TRPM2: variants seen among roughly 807,000 people sequenced by gnomAD.
The protein encoded by TRPM2 is estrogen-responsive element-associated gene 1 protein.
Under a neutral mutation model 174.0 loss-of-function variants are expected in TRPM2, and 161 were observed. That is an observed-to-expected ratio of 0.93 (90% CI 0.81 to 1.05). The LOEUF (loss-of-function observed/expected upper bound fraction) is 1.05, where lower values mean the gene tolerates loss of function less well. Ranked by LOEUF, TRPM2 falls within the 50% of genes least tolerant of loss-of-function variation. The pLI is 0.00. For missense variants in TRPM2, 2,057 were observed against 2,038.0 expected, an observed-to-expected ratio of 1.01 and a Z score of -0.18; for synonymous variants, 954 against 861.3, an observed-to-expected ratio of 1.11 and a Z score of -1.88.
chr21:44,375,489 C>T (rs987991290), intron 5 of TRPM2, among the ~76,000 whole-genome samples: 2 of 152,188 alleles, frequency 1.3e-5, no homozygotes, highest in Admixed American at 6.5e-5. Flanking sequence ...CAGGGTCACA[C>T]GTCTGTTTCC....
At chr21:44,426,621 G>C (rs199895273) in intron 25 of TRPM2, 39 bp from the exon 26 acceptor site, 34 of 1,608,358 alleles carry the variant, frequency 2.1e-5, no homozygotes, top group Admixed American at 6.7e-5. Flanking sequence ...TTTGCAGTGG[G>C]GGTAAAAATC....
intron 22 of TRPM2, 40 bp from the exon 23 acceptor site, chr21:44,423,603 CAA>C (rs1232968686): frequency 6.4e-7 from 1 of 1,567,336 alleles, no homozygotes; most frequent in South Asian, 1.1e-5. Context: ...CCCAGGGCCC[CAA>C]GGTGTGGTGT....
intron 28 of TRPM2, 149 bp from the exon 29 acceptor site, chr21:44,436,913 C>G (rs1569120884): frequency 3.2e-6 from 2 of 632,224 alleles, no homozygotes; most frequent in African/African-American, 3.7e-5. Context: ...AGTCTTTTCC[C>G]TGGGGATGAA....
intron 27 of TRPM2, among the ~76,000 whole-genome samples, chr21:44,433,431 C>T (rs2051105843): frequency 1.3e-5 from 2 of 152,266 alleles, no homozygotes; most frequent in Admixed American, 1.3e-4. Context: ...CAGTGCAGCT[C>T]TGCCCAGTGC....
upstream of TRPM2, among the ~76,000 whole-genome samples, chr21:44,350,545 G>A (rs1297407898): frequency 2.1e-5 from 3 of 144,684 alleles, no homozygotes; most frequent in Non-Finnish European, 4.6e-5. Flanking sequence ...GGGCGCAGGC[G>A]GGGTTCGGGG....
chr21:44,400,914 G>A (rs948718839), intron 15 of TRPM2, among the ~76,000 whole-genome samples: 3 of 152,188 alleles, frequency 2.0e-5, no homozygotes, highest in South Asian at 2.1e-4. Flanking sequence ...GTGTTTTACT[G>A]AGGGCTGGAT....
intron 24 of TRPM2, 83 bp from the exon 25 acceptor site, chr21:44,425,587 G>A: frequency 5.7e-6 from 8 of 1,394,156 alleles, no homozygotes; most frequent in Non-Finnish European, 7.5e-6. Flanking sequence ...TTGGCGGAAG[G>A]ACCACAGAGG....
intron 20 of TRPM2, chr21:44,416,679 A>G: frequency 5.4e-6 from 1 of 183,934 alleles, no homozygotes; most frequent in South Asian, 8.9e-5. Flanking sequence ...TGGAATTGTG[A>G]GGTCTGTGGG....
chr21:44,434,531 T>C (rs2051159354), intron 27 of TRPM2, among the ~76,000 whole-genome samples: 2 of 152,042 alleles, frequency 1.3e-5, no homozygotes, highest in African/African-American at 4.8e-5. Context: ...GTTTTAGTGG[T>C]ACATTCACAG....
In TRPM2 at chr21:44,375,315, G is replaced by A. The variant is rs574422448; in HGVS notation, c.772-518G>A. On this transcript the variant is annotated intron_variant, in intron 5 of 31. Coordinates refer to ENST00000397928, the MANE Select transcript of TRPM2 (RefSeq NM_003307.4). The stretch of plus-strand genomic sequence containing the variant: ...ATCCTCCCGTCGTCTCCCCATTGCC[G>A]GTTTCAATGCCACTTCCACATTTTT... Among the ~76,000 whole-genome samples, 6 of 152,318 alleles carry A rather than the reference G, an allele frequency of 3.9e-5. No individual in the cohort carries two copies. In the South Asian group the frequency reaches 6.2e-4, roughly 16 times the overall value.
At position 44,406,772 on chromosome 21, in the gene TRPM2, G is replaced by T. The variant is rs1265478796; in HGVS notation, c.2962+7G>T. ...ATCCCGGGCTACATCGACGGTAGGA[G>T]CCGGGCGCCATGGGAGCTCGGGTGG... is the stretch of plus-strand genomic sequence containing the variant. On this transcript the variant is annotated splice_region_variant and intron_variant, in intron 19 of 31. Transcript: ENST00000397928. The T allele has an allele frequency of 6.3e-7, 1 of 1,595,784 alleles. No homozygotes were observed. The highest frequency in any genetic ancestry group is 1.8e-5 in the Admixed American group (1 of 56,684).
At chr21:44,406,229 C>G (rs368545606) in intron 18 of TRPM2, among the ~76,000 whole-genome samples, 192 bp downstream of exon 18, 14 of 152,232 alleles carry the variant, frequency 9.2e-5, no homozygotes, top group Admixed American at 5.9e-4. Flanking sequence ...TTCCAGGAAG[C>G]CTTCCCTCAT....
At chr21:44,414,155 G>T (rs1274739180) in intron 20 of TRPM2, 81 bp downstream of exon 20, 1 of 1,521,884 alleles carries the variant, frequency 6.6e-7, no homozygotes, top group Admixed American at 1.7e-5. Flanking sequence ...TGTCTCCAGG[G>T]TCTCGTGGAC....
intron 27 of TRPM2, among the ~76,000 whole-genome samples, chr21:44,428,387 GAGGTGTGGCTCCTCCCCTT>G (rs1375223020): frequency 0.047 from 6,865 of 144,928 alleles, 388 homozygotes; most frequent in African/African-American, 0.13. Flanking sequence ...GCTCCTCCCT[GAGGTGTGGCTCCTCCCCTT>G]AGGTGTGGCT....
In TRPM2 at chr21:44,400,206, C is replaced by T. The variant is rs544724276; in HGVS notation, c.2209-53C>T. ...TCCTCAGCAGACAGCTGACGGGCAC[C>T]ATCTGGGGCACAGGGCTGGGCACTG... is the stretch of plus-strand genomic sequence containing the variant. On this transcript the variant is annotated intron_variant, in intron 14 of 31. Coordinates refer to ENST00000397928, the MANE Select transcript of TRPM2 (RefSeq NM_003307.4). 6.0e-6 allele frequency: 9 copies of T among 1,502,040 alleles called. No individual in the cohort carries two copies. In the East Asian group the frequency reaches 2.1e-4, roughly 34 times the overall value. 93.0% of individuals were successfully genotyped at this position (1,502,040 alleles called of 1,614,324 possible).
At chr21:44,382,639 G>A in intron 8 of TRPM2, 79 bp from the exon 9 acceptor site, 1 of 1,388,880 alleles carries the variant, frequency 7.2e-7, no homozygotes, top group East Asian at 2.4e-5. Context: ...CTGTGTCCGG[G>A]GCCTCAATTC....
At chr21:44,411,976 A>G (rs572638483) in intron 19 of TRPM2, among the ~76,000 whole-genome samples, 21 of 152,202 alleles carry the variant, frequency 1.4e-4, no homozygotes, top group African/African-American at 4.8e-4. Context: ...TCTCTTTTAC[A>G]TGGTGCTGGA....
At chr21:44,394,521 G>A (rs1273186388) in intron 11 of TRPM2, among the ~76,000 whole-genome samples, 2 of 151,540 alleles carry the variant, frequency 1.3e-5, no homozygotes, top group African/African-American at 4.9e-5. Context: ...GGGTTTCACT[G>A]CGTTAGCCAG....
intron 19 of TRPM2, 87 bp from the exon 20 acceptor site, chr21:44,413,804 C>T (rs2050184454): frequency 1.4e-6 from 2 of 1,472,776 alleles, no homozygotes; most frequent in African/African-American, 2.8e-5. Context: ...CTGGCAGTGA[C>T]TGGAGGCCTC....
Sources: allele counts gnomAD v4.1 joint callset (sites outside exome capture counted in the v4.1 genomes callset), GRCh38; gene constraint gnomAD v4.1.1; transcripts MANE v1.5; gene names NCBI Gene and HGNC (gene_info 2026-07-23, HGNC 2026-07-21).